The following MARK2 variants were observed in gnomAD, a reference collection of about 807,000 sequenced individuals.
MARK2 encodes the protein serine/threonine-protein kinase MARK2.
A neutral mutation model predicts 89.8 loss-of-function variants in MARK2; 16 were observed. The ratio of observed to expected loss-of-function variants is 0.18; its 90% CI spans 0.12 to 0.27. The LOEUF is 0.27. MARK2 is among the 10% of genes least tolerant of loss of function. MARK2 has a pLI of 1.00. For synonymous variants in MARK2, 382 were observed against 399.5 expected, an observed-to-expected ratio of 0.96 and a Z score of 0.52; for missense variants, 621 against 1,049.9, an observed-to-expected ratio of 0.59 and a Z score of 5.65.
At chr11:63,881,320 A>G (rs61886132) in intron 1 of MARK2, among the ~76,000 whole-genome samples, 14,188 of 152,120 alleles carry the variant, frequency 0.093, 911 homozygotes, top group South Asian at 0.22. Context: ...AAAAATACCA[A>G]GGTCCCTCCT....
chr11:63,905,977 G>A (rs1444475139), intron 16 of MARK2, 111 bp from the exon 17 acceptor site: 7 of 849,822 alleles, frequency 8.2e-6, no homozygotes, highest in Non-Finnish European at 1.1e-5. Context: ...AAAATGGGAT[G>A]ACCCTTGAAC....
chr11:63,875,404 G>A (rs966152477), intron 1 of MARK2, among the ~76,000 whole-genome samples: 5 of 152,114 alleles, frequency 3.3e-5, no homozygotes, highest in Non-Finnish European at 7.4e-5. Flanking sequence ...ACAGGCGTGA[G>A]CCACCACGCC....
chr11:63,845,800 G>A (rs2016248628), intron 1 of MARK2, among the ~76,000 whole-genome samples: 1 of 152,060 alleles, frequency 6.6e-6, no homozygotes, highest in Non-Finnish European at 1.5e-5. Context: ...TCAGCTCACT[G>A]CAACCTCCAC....
At chr11:63,905,875 C>T (rs1049856795) in intron 16 of MARK2, among the ~76,000 whole-genome samples, 24 of 152,294 alleles carry the variant, frequency 1.6e-4, no homozygotes, top group Middle Eastern at 3.4e-3. Context: ...GCCACTGCCC[C>T]ATCCGAGCCC....
At chr11:63,852,932 A>G (rs2016644801) in intron 1 of MARK2, among the ~76,000 whole-genome samples, 1 of 152,218 alleles carries the variant, frequency 6.6e-6, no homozygotes, top group South Asian at 2.1e-4. Context: ...TAAAAAAGTC[A>G]CTGAAGCCTC....
chr11:63,843,440 G>A (rs775210889), intron 1 of MARK2, among the ~76,000 whole-genome samples: 1 of 152,110 alleles, frequency 6.6e-6, no homozygotes, highest in East Asian at 1.9e-4. Context: ...TGGGAAGGGA[G>A]GGGGCTGCTG....
At chr11:63,906,845 CCAG>C (rs1941383845) in intron 17 of MARK2, among the ~76,000 whole-genome samples, 1 of 151,140 alleles carries the variant, frequency 6.6e-6, no homozygotes, top group Non-Finnish European at 1.5e-5. Context: ...ACCCCTGCCA[CCAG>C]CAGCATCTGG....
intron 3 of MARK2, among the ~76,000 whole-genome samples, chr11:63,897,369 C>T (rs1940499239): frequency 6.6e-6 from 1 of 152,222 alleles, no homozygotes; most frequent in African/African-American, 2.4e-5. Context: ...GATTGGAAAG[C>T]CTTTTTCTTC....
rs2016800702 is a variant in MARK2, at chr11:63,855,590, A to C, written c.54+16030A>C. Among the ~76,000 whole-genome samples, 3 of 152,316 alleles carry C rather than the reference A, an allele frequency of 2.0e-5. No individual in the cohort carries two copies. In the South Asian group the frequency reaches 6.2e-4, roughly 32 times the overall value. On this transcript the variant is annotated intron_variant, in intron 1 of 18. Coordinates refer to ENST00000402010, the MANE Select transcript of MARK2 (RefSeq NM_001039469.3). ...AAGTATATGAAATGTTCCTTGATAA[A>C]ATTTCAGGTTCCACATTGCAACTAG...
At chr11:63,866,596 TATC>T (rs1052653519) in intron 1 of MARK2, among the ~76,000 whole-genome samples, 1 of 152,236 alleles carries the variant, frequency 6.6e-6, no homozygotes, top group Non-Finnish European at 1.5e-5. Context: ...ATGCTTCTAT[TATC>T]AAATTCCTCT....
chr11:63,893,318 T>C (rs566957470), intron 1 of MARK2, among the ~76,000 whole-genome samples: 2 of 152,220 alleles, frequency 1.3e-5, no homozygotes, highest in Admixed American at 1.3e-4. Context: ...TTGCCTGGCC[T>C]AGACTCTGAA....
chr11:63,901,236 G>A (rs933091078), intron 11 of MARK2, among the ~76,000 whole-genome samples, 167 bp downstream of exon 11: 3 of 152,180 alleles, frequency 2.0e-5, no homozygotes, highest in African/African-American at 7.2e-5. Context: ...CCCATTCACT[G>A]ATCTCCATGA....
chr11:63,871,536 G>C (rs1372249255), intron 1 of MARK2, among the ~76,000 whole-genome samples: 2 of 151,440 alleles, frequency 1.3e-5, no homozygotes, highest in East Asian at 1.9e-4. Flanking sequence ...ACTGTGTGCA[G>C]GTGTGGGTGA....
intron 1 of MARK2, among the ~76,000 whole-genome samples, chr11:63,842,862 G>A (rs1217844393): frequency 6.6e-6 from 1 of 152,020 alleles, no homozygotes; most frequent in East Asian, 1.9e-4. Context: ...TAAAAATGTG[G>A]CTGATGAGAA....
chr11:63,894,077 C>T (rs190670666), intron 1 of MARK2, among the ~76,000 whole-genome samples: 8 of 152,352 alleles, frequency 5.3e-5, no homozygotes, highest in South Asian at 2.1e-4. Context: ...TCATTTGAGC[C>T]GGGTGGCAGA....
chr11:63,850,675 G>C (rs1441715438), intron 1 of MARK2, among the ~76,000 whole-genome samples: 1 of 152,146 alleles, frequency 6.6e-6, no homozygotes, highest in Non-Finnish European at 1.5e-5. Context: ...CTCATCCGTG[G>C]CTAGAAGGCC....
At chr11:63,850,819 C>T (rs1487932517) in intron 1 of MARK2, among the ~76,000 whole-genome samples, 2 of 151,884 alleles carry the variant, frequency 1.3e-5, no homozygotes, top group East Asian at 1.9e-4. Context: ...TTTCTTTTCT[C>T]GTCTTTTCTT....
At chr11:63,887,294 GCTCCGGCC>G (rs1939459648) in intron 1 of MARK2, among the ~76,000 whole-genome samples, 1 of 152,232 alleles carries the variant, frequency 6.6e-6, no homozygotes, top group Admixed American at 6.5e-5. Context: ...AAAGCTCTGG[GCTCCGGCC>G]CCAGCTCTGT....
At chr11:63,893,176 G>GATTTCTTA (rs917909057) in intron 1 of MARK2, among the ~76,000 whole-genome samples, 6 of 150,144 alleles carry the variant, frequency 4.0e-5, no homozygotes, top group Non-Finnish European at 7.4e-5. Context: ...AACCTCCCAA[G>GATTTCTTA]ATTTCTTAAT....
Sources: allele counts gnomAD v4.1 joint callset (sites outside exome capture counted in the v4.1 genomes callset), GRCh38; gene constraint gnomAD v4.1.1; transcripts MANE v1.5; gene names NCBI Gene and HGNC (gene_info 2026-07-23, HGNC 2026-07-21).